Variants in TMEM132D observed in about 807,000 individuals in gnomAD.
The protein encoded by TMEM132D is transmembrane protein 132D.
A neutral mutation model predicts 62.3 loss-of-function variants in TMEM132D; 21 were observed. That is an observed-to-expected ratio of 0.34 (90% CI 0.24 to 0.49). The LOEUF (loss-of-function observed/expected upper bound fraction) is 0.49. TMEM132D is among the 20% of genes least tolerant of loss of function. TMEM132D has a pLI of 0.99. For synonymous variants in TMEM132D, 621 were observed against 575.6 expected (o/e 1.08, Z -1.13); for missense variants, 1,346 against 1,402.8 (o/e 0.96, Z 0.65).
chr12:129,512,736 A>G (rs774261619), intron 3 of TMEM132D, among the ~76,000 whole-genome samples: 9 of 152,190 alleles, frequency 5.9e-5, no homozygotes, highest in Non-Finnish European at 1.0e-4. Flanking sequence ...TCCTCAGTCC[A>G]TCCCCATATG....
At chr12:129,808,653 G>A (rs1178347536) in intron 1 of TMEM132D, among the ~76,000 whole-genome samples, 1 of 152,148 alleles carries the variant, frequency 6.6e-6, no homozygotes, top group Non-Finnish European at 1.5e-5. Flanking sequence ...GAAGTTCTGA[G>A]TATTTTCAAA....
At chr12:129,814,937 C>A (rs1872302771) in intron 1 of TMEM132D, among the ~76,000 whole-genome samples, 1 of 152,134 alleles carries the variant, frequency 6.6e-6, no homozygotes, top group Non-Finnish European at 1.5e-5. Flanking sequence ...TAGCATAAGC[C>A]CCCACATGCC....
chr12:129,554,938 C>G (rs1050959685), intron 2 of TMEM132D, among the ~76,000 whole-genome samples: 1 of 152,146 alleles, frequency 6.6e-6, no homozygotes, highest in Non-Finnish European at 1.5e-5. Context: ...TCATGGAGTT[C>G]CAGTCGCTTG....
At chr12:129,445,569 G>A (rs1873073809) in intron 3 of TMEM132D, among the ~76,000 whole-genome samples, 1 of 152,136 alleles carries the variant, frequency 6.6e-6, no homozygotes. Flanking sequence ...AAAGGAAAGG[G>A]AGATGAAGGA....
At chr12:129,450,376 T>G (rs1306026812) in intron 3 of TMEM132D, among the ~76,000 whole-genome samples, 1 of 152,216 alleles carries the variant, frequency 6.6e-6, no homozygotes, top group Non-Finnish European at 1.5e-5. Context: ...GAGTGAATTT[T>G]TGTACAGTCT....
At chr12:129,656,195 C>T (rs771529582) in intron 2 of TMEM132D, among the ~76,000 whole-genome samples, 8 of 139,508 alleles carry the variant, frequency 5.7e-5, no homozygotes, top group South Asian at 2.3e-4. Flanking sequence ...GAATAAAAGA[C>T]GAAAAGAAGG....
intron 2 of TMEM132D, among the ~76,000 whole-genome samples, chr12:129,685,304 C>G (rs1880880993): frequency 6.6e-6 from 1 of 152,172 alleles, no homozygotes; most frequent in South Asian, 2.1e-4. Context: ...CAGGGCCCCC[C>G]TACTGTATGC....
At chr12:129,347,486 T>A (rs1184433170) in intron 3 of TMEM132D, among the ~76,000 whole-genome samples, 1 of 152,212 alleles carries the variant, frequency 6.6e-6, no homozygotes, top group Non-Finnish European at 1.5e-5. Flanking sequence ...TAAATGGTGC[T>A]GGGAAAACTG....
intron 4 of TMEM132D, among the ~76,000 whole-genome samples, chr12:129,330,674 G>A (rs1869075746): frequency 6.6e-6 from 1 of 152,116 alleles, no homozygotes; most frequent in African/African-American, 2.4e-5. Flanking sequence ...GCTCTACCTC[G>A]GGACTCTGCA....
At chr12:129,655,500 GC>G (rs1281709396) in intron 2 of TMEM132D, among the ~76,000 whole-genome samples, 1 of 151,934 alleles carries the variant, frequency 6.6e-6, no homozygotes, top group African/African-American at 2.4e-5. Flanking sequence ...GCCTGCCTCG[GC>G]CTCTCAAAGT....
intron 3 of TMEM132D, among the ~76,000 whole-genome samples, chr12:129,370,099 G>C (rs1220494159): frequency 6.6e-6 from 1 of 152,160 alleles, no homozygotes; most frequent in African/African-American, 2.4e-5. Flanking sequence ...TTCTCCAGGA[G>C]AAAGTCACAA....
At chr12:129,463,540 T>G (rs946016635) in intron 3 of TMEM132D, among the ~76,000 whole-genome samples, 1 of 151,838 alleles carries the variant, frequency 6.6e-6, no homozygotes, top group Admixed American at 6.6e-5. Flanking sequence ...TTGTTACATA[T>G]GTATACATGT....
At chr12:129,847,211 A>T (rs1031222438) in intron 1 of TMEM132D, among the ~76,000 whole-genome samples, 6 of 152,154 alleles carry the variant, frequency 3.9e-5, no homozygotes, top group African/African-American at 1.2e-4. Flanking sequence ...AAGAGCCTGG[A>T]TGTTGACTGG....
chr12:129,801,882 G>A (rs1158714364), intron 1 of TMEM132D, among the ~76,000 whole-genome samples: 377 of 151,656 alleles, frequency 2.5e-3, no homozygotes, highest in African/African-American at 8.7e-3. Flanking sequence ...CGAGAACTAC[G>A]TGAAGAATGA....
chr12:129,584,323 T>C (rs1001676307), intron 2 of TMEM132D, among the ~76,000 whole-genome samples: 3 of 152,228 alleles, frequency 2.0e-5, no homozygotes, highest in Admixed American at 1.3e-4. Context: ...TTTTACCTAA[T>C]AGCAAACCCT....
intron 2 of TMEM132D, among the ~76,000 whole-genome samples, chr12:129,695,744 T>C (rs549367389): frequency 6.6e-6 from 1 of 152,306 alleles, no homozygotes; most frequent in Admixed American, 6.5e-5. Context: ...AGGGGCTGCA[T>C]GGAGGTCTCT....
chr12:129,543,888 C>A (rs1876660642), intron 2 of TMEM132D, among the ~76,000 whole-genome samples: 1 of 152,100 alleles, frequency 6.6e-6, no homozygotes, highest in South Asian at 2.1e-4. Context: ...TGACTGGTGC[C>A]CCCTCGATGG....
At chr12:129,095,848 T>C (rs1464052494) in intron 5 of TMEM132D, among the ~76,000 whole-genome samples, 1 of 152,000 alleles carries the variant, frequency 6.6e-6, no homozygotes, top group African/African-American at 2.4e-5. Flanking sequence ...CTCTGTTGTG[T>C]AAGCCACCTG....
At chr12:129,459,645 A>T (rs1333373794) in intron 3 of TMEM132D, among the ~76,000 whole-genome samples, 2 of 152,240 alleles carry the variant, frequency 1.3e-5, no homozygotes, top group Non-Finnish European at 2.9e-5. Flanking sequence ...TTTGGAATTC[A>T]GAGAAGAAAA....
Sources: gnomAD v4.1 joint callset for allele counts (sites outside exome capture counted in the v4.1 genomes callset) on GRCh38, gnomAD v4.1.1 for gene constraint, MANE v1.5 for transcripts, NCBI Gene and HGNC (gene_info 2026-07-23, HGNC 2026-07-21) for gene names.